The following NKAIN2 variants were observed in gnomAD, a reference collection of about 807,000 sequenced individuals.
The protein encoded by NKAIN2 is sodium/potassium transporting ATPase interacting 2, also known as sodium/potassium-transporting ATPase subunit beta-1-interacting protein 2.
Under a neutral mutation model 32.6 loss-of-function variants are expected in NKAIN2, and 14 were observed. That is an observed-to-expected ratio of 0.43 (90% CI 0.28 to 0.67). The LOEUF is 0.67. NKAIN2 is among the 30% of genes least tolerant of loss of function. NKAIN2 has a pLI of 0.17. For synonymous variants in NKAIN2, 80 were observed against 87.2 expected (o/e 0.92, Z 0.46); for missense variants, 198 against 258.3 (o/e 0.77, Z 1.60).
intron 3 of NKAIN2, among the ~76,000 whole-genome samples, chr6:124,415,727 T>G (rs1278905990): frequency 6.6e-6 from 1 of 152,092 alleles, no homozygotes; most frequent in Non-Finnish European, 1.5e-5. Context: ...AGTCAACTCA[T>G]GAGCATACAA....
intron 1 of NKAIN2, among the ~76,000 whole-genome samples, chr6:124,022,773 G>T (rs1780925089): frequency 6.6e-6 from 1 of 152,126 alleles, no homozygotes; most frequent in Admixed American, 6.6e-5. Context: ...TCCAATTATA[G>T]CTAATTTGCC....
intron 1 of NKAIN2, among the ~76,000 whole-genome samples, chr6:123,895,100 G>A (rs1020542008): frequency 6.7e-6 from 1 of 149,348 alleles, no homozygotes; most frequent in African/African-American, 2.5e-5. Flanking sequence ...CTGTCCTACT[G>A]TTCTGCTGCC....
chr6:124,068,407 T>C (rs1783291480), intron 1 of NKAIN2, among the ~76,000 whole-genome samples: 2 of 152,128 alleles, frequency 1.3e-5, no homozygotes, highest in African/African-American at 4.8e-5. Context: ...ACTTTTTTTT[T>C]TGAGACAAGG....
chr6:123,926,818 T>C (rs235701), intron 1 of NKAIN2, among the ~76,000 whole-genome samples: 131,434 of 152,170 alleles, frequency 0.86, 57,216 homozygotes, highest in African/African-American at 0.97. Context: ...GTTTGTATGG[T>C]CACTTAGTGT....
At chr6:124,744,142 G>C (rs767146722) in intron 4 of NKAIN2, among the ~76,000 whole-genome samples, 2 of 151,764 alleles carry the variant, frequency 1.3e-5, no homozygotes, top group Non-Finnish European at 2.9e-5. Context: ...TTGATTAATG[G>C]CTGATGATAT....
At chr6:124,487,665 C>T (rs1235560084) in intron 3 of NKAIN2, among the ~76,000 whole-genome samples, 1 of 152,122 alleles carries the variant, frequency 6.6e-6, no homozygotes, top group Non-Finnish European at 1.5e-5. Context: ...ACATCCTTGC[C>T]TATCGGTGAT....
At chr6:123,939,882 A>C (rs892412123) in intron 1 of NKAIN2, among the ~76,000 whole-genome samples, 7 of 152,010 alleles carry the variant, frequency 4.6e-5, no homozygotes, top group African/African-American at 1.4e-4. Flanking sequence ...TACCAATGCT[A>C]AACTCCTTGA....
intron 3 of NKAIN2, among the ~76,000 whole-genome samples, chr6:124,486,712 C>G (rs1777666642): frequency 6.6e-6 from 1 of 152,074 alleles, no homozygotes; most frequent in African/African-American, 2.4e-5. Flanking sequence ...AAAGCTTATT[C>G]CTGGCTTCAT....
intron 3 of NKAIN2, among the ~76,000 whole-genome samples, chr6:124,641,138 G>A (rs890493865): frequency 1.3e-5 from 2 of 152,204 alleles, no homozygotes; most frequent in African/African-American, 2.4e-5. Flanking sequence ...ACACTGTGAG[G>A]TTTGAAAAGG....
At position 124,573,830 on chromosome 6, in the gene NKAIN2, A is replaced by G. The variant is rs193232009; in HGVS notation, c.274-84356A>G. Among the ~76,000 whole-genome samples the G allele has an allele frequency of 9.9e-5, 15 of 152,250 alleles. No homozygotes were observed. In the East Asian group the frequency reaches 2.9e-3, roughly 29 times the overall value. On this transcript the variant is annotated intron_variant, in intron 3 of 6. Transcript: ENST00000368417. The stretch of plus-strand genomic sequence containing the variant: ...CTTTTAGGTAAAATGCTTCACTCAA[A>G]TCCTCTGAGAGTGCAACTGACTTTA...
At chr6:124,361,401 G>A (rs77620895) in intron 3 of NKAIN2, among the ~76,000 whole-genome samples, 2 of 152,016 alleles carry the variant, frequency 1.3e-5, no homozygotes, top group Admixed American at 1.3e-4. Context: ...AGTGAATGGT[G>A]TGCCTATCTT....
intron 1 of NKAIN2, among the ~76,000 whole-genome samples, chr6:123,939,395 C>T (rs1440187093): frequency 6.6e-6 from 1 of 151,916 alleles, no homozygotes; most frequent in African/African-American, 2.4e-5. Context: ...ATCCTCATAA[C>T]CCATTTACTC....
chr6:124,708,116 T>G (rs1251033149), intron 4 of NKAIN2, among the ~76,000 whole-genome samples: 1 of 148,976 alleles, frequency 6.7e-6, no homozygotes, highest in East Asian at 2.0e-4. Context: ...CCCCATTGCT[T>G]GTTTTTCTCA....
intron 4 of NKAIN2, among the ~76,000 whole-genome samples, chr6:124,790,081 G>A (rs1394192803): frequency 1.3e-5 from 2 of 152,032 alleles, no homozygotes; most frequent in Non-Finnish European, 2.9e-5. Flanking sequence ...TATTGTCCAG[G>A]AATGACCACT....
At chr6:123,961,334 C>T (rs2114612382) in intron 1 of NKAIN2, among the ~76,000 whole-genome samples, 1 of 152,262 alleles carries the variant, frequency 6.6e-6, no homozygotes, top group Admixed American at 6.5e-5. Flanking sequence ...ACTTTTGCAG[C>T]TGTAATCAAA....
chr6:123,875,331 GA>G (rs1428712451), intron 1 of NKAIN2, among the ~76,000 whole-genome samples: 1 of 151,890 alleles, frequency 6.6e-6, no homozygotes, highest in Non-Finnish European at 1.5e-5. Flanking sequence ...ATAAAAGTAT[GA>G]TATGCCTTGT....
chr6:123,943,588 A>G (rs947850521), intron 1 of NKAIN2, among the ~76,000 whole-genome samples: 3 of 152,072 alleles, frequency 2.0e-5, no homozygotes, highest in Admixed American at 6.6e-5. Flanking sequence ...ATAAGTACCC[A>G]TGTCAATGGG....
chr6:124,756,042 A>G (rs377095046), intron 4 of NKAIN2, among the ~76,000 whole-genome samples: 1 of 152,108 alleles, frequency 6.6e-6, no homozygotes, highest in African/African-American at 2.4e-5. Flanking sequence ...GAATGAATGA[A>G]TGCTTAAGAC....
intron 2 of NKAIN2, among the ~76,000 whole-genome samples, chr6:124,309,623 A>C (rs1013410122): frequency 6.6e-6 from 1 of 152,142 alleles, no homozygotes; most frequent in Non-Finnish European, 1.5e-5. Context: ...CTTGATTTTC[A>C]ACCAAGAACC....
Sources: gnomAD v4.1 joint callset for allele counts (sites outside exome capture counted in the v4.1 genomes callset) on GRCh38, gnomAD v4.1.1 for gene constraint, MANE v1.5 for transcripts, NCBI Gene and HGNC (gene_info 2026-07-23, HGNC 2026-07-21) for gene names.